Variants in OBSL1 observed in about 807,000 individuals in gnomAD.
OBSL1 encodes the protein obscurin-like protein 1.
Under a neutral mutation model 172.0 loss-of-function variants are expected in OBSL1, and 160 were observed. The ratio of observed to expected loss-of-function variants is 0.93; its 90% CI spans 0.82 to 1.06. OBSL1 has a LOEUF of 1.06. Ranked by LOEUF, OBSL1 falls within the 50% of genes least tolerant of loss-of-function variation. OBSL1 has a pLI of 0.00. For missense variants in OBSL1, 2,681 were observed against 2,715.4 expected (o/e 0.99, Z 0.28); for synonymous variants, 1,200 against 1,196.3 (o/e 1.00, Z -0.06).
chr2:219,557,941 CT>C lies in OBSL1; in HGVS notation c.3671del (p.Glu1224GlyfsTer47), dbSNP rs1488625153. 11 of 1,605,584 alleles carry C rather than the reference CT, an allele frequency of 6.9e-6. No individual in the cohort carries two copies. In the African/African-American group the frequency reaches 1.2e-4, roughly 18 times the overall value. On this transcript the variant is annotated frameshift_variant, in exon 11 of 21. Transcript: ENST00000404537. LOFTEE classifies it high-confidence loss of function. ...QEGEGLELHA[E>X]GPRRVLCIQA... ...GGATGCAGAGGACTCGGCGGGGGCC[CT>C]CGGCATGGAGCTCTAGGCCCTCGCC...
Position 219,567,589 on chromosome 2 carries a change from A to G in OBSL1, c.1535-14T>C, listed in dbSNP as rs2106097810. ...TGTGCTTGACACCTGAGACCAAGGC[A>G]GGGATGTGTTCCGGCCTTGCTTGGG... is the stretch of plus-strand genomic sequence containing the variant. On this transcript the variant is annotated splice_polypyrimidine_tract_variant and intron_variant, in intron 3 of 20. Transcript: ENST00000404537. 1.9e-6 allele frequency: 3 copies of G among 1,604,134 alleles called. No homozygotes were observed. Among genetic ancestry groups the G allele is most frequent in the Admixed American group, 1.7e-5 (1 of 59,712 alleles).
Position 219,550,748 on chromosome 2 carries a change from G to T in OBSL1, c.*87C>A. ...GGAAATGAGCTGTAGCACTTTTATT[G>T]TTCCTTGTCTCTCTACCCCTGCCCA... is the stretch of plus-strand genomic sequence containing the variant. On this transcript the variant is annotated 3_prime_UTR_variant, in exon 21 of 21. Transcript: ENST00000404537. The T allele has an allele frequency of 1.3e-6, 2 of 1,527,466 alleles. No homozygotes were observed. The highest frequency in any genetic ancestry group is 1.8e-6 in the Non-Finnish European group (2 of 1,121,482). The allele number at this position is 1,527,466 out of a possible 1,614,324, so 94.6% of individuals were successfully genotyped here. A position where few individuals can be genotyped will look rare whatever the true frequency, so the allele number is the denominator to read the frequency against.
chr2:219,550,839 T>C lies in OBSL1; in HGVS notation c.5687A>G (p.Asn1896Ser), dbSNP rs1695561851. The C allele has an allele frequency of 1.2e-6, 2 of 1,611,352 alleles. No homozygotes were observed. Among genetic ancestry groups the C allele is most frequent in the African/African-American group, 2.7e-5 (2 of 74,880 alleles). ...STHTRLLVEGN is the reference protein window; with the variant it reads ...STHTRLLVEGS The stretch of plus-strand genomic sequence containing the variant: ...GCCTGGCCTGGTTAGGTTCTCCTAG[T>C]TGCCTGCAGAGGAATGACTCCACAT... Residue 1896 changes from asparagine (N) to serine (S), a missense_variant, in exon 21 of 21, where the codon AAC (asparagine) becomes AGC (serine). Transcript: ENST00000404537.
At position 219,553,648 on chromosome 2, in the gene OBSL1, C is replaced by T. The variant is rs756666231; in HGVS notation, c.4915G>A (p.Glu1639Lys). 2 of 1,613,866 alleles carry T rather than the reference C, an allele frequency of 1.2e-6. No homozygotes were observed. The highest frequency in any genetic ancestry group is 8.5e-7 in the Non-Finnish European group (1 of 1,179,882). Residue 1639 changes from glutamate to lysine, a missense_variant, in exon 16 of 21, where the codon GAG (glutamate) becomes AAG (lysine). By Grantham distance (56) the Glu-to-Lys change is moderately conservative. This residue lies in a region of OBSL1 where 1,765 missense variants were observed against 1,748.3 expected (regional missense o/e 1.01). Coordinates refer to ENST00000404537, the MANE Select transcript of OBSL1 (RefSeq NM_015311.3). ...VTIVRGPHDL[E>K]VTEGDTATFE... ...GTAGCTGTGTCGCCCTCGGTCACCT[C>T]TAGGTCGTGTGGCCCCCGCACGATG... is the stretch of plus-strand genomic sequence containing the variant.
In OBSL1 at chr2:219,565,507, C is replaced by T. The variant is rs376721686; in HGVS notation, c.2142G>A (p.Pro714=). 8.7e-6 allele frequency: 14 copies of T among 1,606,558 alleles called. No individual in the cohort carries two copies. The highest frequency in any genetic ancestry group is 4.5e-5 in the East Asian group (2 of 44,880). The change falls in exon 6 of 21, where the codon CCG becomes CCA. Residue 714 remains proline (P), a synonymous_variant. Transcript: ENST00000404537. ...DSAALTIQES[P]VHILSPQDRV... ...TGTCCTGGGGGCTCAGGATGTGCAC[C>T]GGGCTCTCTGTGTGGGGAGAAGTAC...
At position 219,552,546 on chromosome 2, in the gene OBSL1, G is replaced by T. The variant is rs760244050; in HGVS notation, c.5298C>A (p.Ile1766=). ...ACCAGGCGGGCAGACCTTCCTGTCG[G>T]ATGCGGACGCGGGCTCCGGGTCTCA... The part of the protein sequence containing the change: ...RPLRPGARVR[I]RQEGKKHILV... The change falls in exon 18 of 21, where the codon ATC becomes ATA. Residue 1766 remains isoleucine, a synonymous_variant. Coordinates refer to ENST00000404537, the MANE Select transcript of OBSL1 (RefSeq NM_015311.3). 1.9e-6 allele frequency: 3 copies of T among 1,596,460 alleles called. No homozygotes were observed. Among genetic ancestry groups the T allele is most frequent in the Non-Finnish European group, 1.7e-6 (2 of 1,177,788 alleles).
intron 8 of OBSL1, chr2:219,561,958 G>A (rs745420560): frequency 4.5e-5 from 32 of 717,472 alleles, no homozygotes; most frequent in South Asian, 3.0e-4. Context: ...TTTTTCAAGA[G>A]GACGCATAAC....
At position 219,556,311 on chromosome 2, in the gene OBSL1, G is replaced by A. The variant is rs753439262; in HGVS notation, c.4337-19C>T. ...TCTGTCTCTGGTGGGGAAGAAGGAG[G>A]CCATGGAGTCTGGTGGGGTTGGAGG... On this transcript the variant is annotated intron_variant, in intron 13 of 20. Transcript: ENST00000404537. 1.9e-6 allele frequency: 3 copies of A among 1,571,326 alleles called. No homozygotes were observed. The highest frequency in any genetic ancestry group is 1.7e-6 in the Non-Finnish European group (2 of 1,155,388).
chr2:219,551,835 C>G (rs1695632577), intron 19 of OBSL1, 37 bp from the exon 20 acceptor site: 1 of 1,370,476 alleles, frequency 7.3e-7, no homozygotes, highest in East Asian at 2.3e-5. Flanking sequence ...TTAATAGGGA[C>G]ACGCATGGCC....
intron 8 of OBSL1, 101 bp from the exon 9 acceptor site, chr2:219,559,598 A>G (rs1696312256): frequency 9.6e-7 from 1 of 1,040,352 alleles, no homozygotes; most frequent in African/African-American, 1.6e-5. Context: ...AATAATGAGA[A>G]TAATAAGTAA....
Position 219,552,202 on chromosome 2 carries a change from G to T in OBSL1, c.5323C>A (p.Leu1775Met), listed in dbSNP as rs1272480047. Reference sequence around the variant, plus strand: ...TCGGCGCGCAGCTCGCTAAGCACCAGAATGTGTTTCTTCCCTGGGGGTGAG... The same window carrying T: ...TCGGCGCGCAGCTCGCTAAGCACCATAATGTGTTTCTTCCCTGGGGGTGAG... The part of the protein sequence containing the change: ...RIRQEGKKHI[L>M]VLSELRAEDA... The change falls in exon 19 of 21, where the codon CTG becomes ATG. Residue 1775 changes from leucine (L) to methionine (M), a missense_variant. Coordinates refer to ENST00000404537, the MANE Select transcript of OBSL1 (RefSeq NM_015311.3). 8 of 1,606,446 alleles carry T rather than the reference G, an allele frequency of 5.0e-6. No individual in the cohort carries two copies. In the East Asian group the frequency reaches 1.8e-4, roughly 36 times the overall value.
In OBSL1 at chr2:219,570,789, C is replaced by G; in HGVS notation, c.444G>C (p.Thr148=). The change falls in exon 1 of 21, where the codon ACG becomes ACC. Residue 148 remains threonine (T), a synonymous_variant. Transcript: ENST00000404537. ...WVLRGAEVVL[T]CRAGGLPEPT... ...GCTCGGGGAGGCCCCCCGCCCGGCA[C>G]GTCAGCACCACCTCCGCCCCCCGCA... The G allele has an allele frequency of 6.7e-7, 1 of 1,496,862 alleles. No individual in the cohort carries two copies. Among genetic ancestry groups the G allele is most frequent in the South Asian group, 1.3e-5 (1 of 79,386 alleles). The allele number at this position is 1,496,862 out of a possible 1,614,324, so 92.7% of individuals were successfully genotyped here. A position where few individuals can be genotyped will look rare whatever the true frequency, so the allele number is the denominator to read the frequency against.
chr2:219,565,876 C>G (rs968082444), intron 5 of OBSL1, among the ~76,000 whole-genome samples: 1 of 152,182 alleles, frequency 6.6e-6, no homozygotes, highest in Non-Finnish European at 1.5e-5. Context: ...CCCAAGACCC[C>G]GTGCATGGGT....
intron 8 of OBSL1, chr2:219,561,776 C>A: frequency 1.5e-6 from 1 of 682,462 alleles, no homozygotes; most frequent in South Asian, 1.6e-5. Flanking sequence ...CTCAAATGCC[C>A]ACAGGGGCCA....
intron 6 of OBSL1, among the ~76,000 whole-genome samples, 196 bp downstream of exon 6, chr2:219,565,045 CA>C (rs1696780967): frequency 6.6e-6 from 1 of 152,118 alleles, no homozygotes; most frequent in Admixed American, 6.5e-5. Flanking sequence ...CCAGCCAGGG[CA>C]ACAGAGTGAG....
intron 4 of OBSL1, 60 bp from the exon 5 acceptor site, chr2:219,567,186 G>T (rs765864153): frequency 3.3e-5 from 52 of 1,577,614 alleles, no homozygotes; most frequent in Non-Finnish European, 4.2e-5. Context: ...GGCAGAGGCT[G>T]GCGGATGGCA....
chr2:219,557,449 G>T lies in OBSL1; in HGVS notation c.3960C>A (p.Ala1320=). ...GCACCCGCAGCACCTGCCTGGCCCC[G>T]GCCTGCTCCAGCTGCACCCGCCCCT... ...ASQGRVQLEQ[A]GARQVLRVQG... The change falls in exon 12 of 21, where the codon GCC becomes GCA. Residue 1320 remains alanine, a synonymous_variant. Transcript: ENST00000404537. 6.5e-7 allele frequency: 1 copy of T among 1,548,718 alleles called. No individual in the cohort carries two copies.
chr2:219,557,642 A>G (rs774212174), intron 11 of OBSL1, 24 bp from the exon 12 acceptor site: 1 of 1,515,722 alleles, frequency 6.6e-7, no homozygotes, highest in Non-Finnish European at 8.8e-7. Context: ...GCTGGAGGTC[A>G]CTGGGAGGGA....
intron 8 of OBSL1, among the ~76,000 whole-genome samples, chr2:219,560,352 G>A (rs1050734278): frequency 1.3e-5 from 2 of 152,130 alleles, no homozygotes; most frequent in African/African-American, 4.8e-5. Context: ...TGCATTCAAC[G>A]TCTGTCTGAG....
Sources: gnomAD v4.1 joint callset for allele counts (sites outside exome capture counted in the v4.1 genomes callset) on GRCh38, gnomAD v4.1.1 for gene constraint, gnomAD v4.1.1 regional missense constraint, MANE v1.5 for transcripts, NCBI Gene and HGNC (gene_info 2026-07-23, HGNC 2026-07-21) for gene names.